ASPM: variants seen among roughly 807,000 people sequenced by gnomAD.
The protein encoded by ASPM is abnormal spindle-like microcephaly-associated protein.
In ASPM, 256 loss-of-function variants were observed where a neutral mutation model predicts 366.4. The ratio of observed to expected loss-of-function variants is 0.70; its 90% CI spans 0.63 to 0.77. ASPM has a LOEUF of 0.77. Among genes scored for constraint, ASPM ranks in the 30% least tolerant of loss-of-function variants. The pLI, the probability that ASPM is intolerant of heterozygous loss-of-function variation, is 0.00. For missense variants in ASPM, 4,146 were observed against 4,090.4 expected (o/e 1.01, Z -0.37); for synonymous variants, 1,414 against 1,342.9 (o/e 1.05, Z -1.16).
chr1:197,123,972 T>C, intron 13 of ASPM, 138 bp downstream of exon 13: 1 of 696,956 alleles, frequency 1.4e-6, no homozygotes, highest in East Asian at 2.7e-5. Context: ...TGATAAAACA[T>C]TCACTCATTT....
rs550890983 is a variant in ASPM, at chr1:197,109,574, C to T, written c.4066-4389G>A. Among the ~76,000 whole-genome samples the T allele has an allele frequency of 3.9e-5, 6 of 152,042 alleles. No individual in the cohort carries two copies. The East Asian group carries it at 9.7e-4, about 25-fold the overall frequency. ...AACAAGGCAAAGATATTGAATCTTA[C>T]CACTCCTATTTAGCATCATACTGGA... On this transcript the variant is annotated intron_variant, in intron 17 of 27. Coordinates refer to ENST00000367409, the MANE Select transcript of ASPM (RefSeq NM_018136.5).
At chr1:197,116,074 TTTA>T (rs1657729152) in intron 17 of ASPM, among the ~76,000 whole-genome samples, 1 of 152,210 alleles carries the variant, frequency 6.6e-6, no homozygotes, top group Non-Finnish European at 1.5e-5. Context: ...TGTAGCCACT[TTTA>T]TTAATGATCT....
intron 13 of ASPM, 77 bp from the exon 14 acceptor site, chr1:197,122,672 G>T: frequency 7.5e-7 from 1 of 1,337,936 alleles, no homozygotes; most frequent in Non-Finnish European, 1.0e-6. Flanking sequence ...GAATACCTGT[G>T]AATAATAAAG....
chr1:197,093,488 G>C (rs1220288744), intron 20 of ASPM, among the ~76,000 whole-genome samples: 1 of 151,640 alleles, frequency 6.6e-6, no homozygotes, highest in Non-Finnish European at 1.5e-5. Flanking sequence ...TAGATACCTG[G>C]TGCTCTTTCC....
chr1:197,146,588 C>G lies in ASPM; in HGVS notation c.-151G>C. ...TCGGCCCTTTTTCTTTTCCACTAAC[C>G]TACTCCCTAGAAAACAGAAAACAAG... On this transcript the variant is annotated 5_prime_UTR_variant, in exon 1 of 28. Transcript: ENST00000367409. 1.3e-6 allele frequency: 1 copy of G among 767,874 alleles called. No individual in the cohort carries two copies. The highest frequency in any genetic ancestry group is 2.1e-6 in the Non-Finnish European group (1 of 469,554). The allele number at this position is 767,874 out of a possible 1,614,324, so 47.6% of individuals were successfully genotyped here. A position where few individuals can be genotyped will look rare whatever the true frequency, so the allele number is the denominator to read the frequency against.
At chr1:197,122,083 A>G in intron 15 of ASPM, 40 bp from the exon 16 acceptor site, 2 of 1,603,342 alleles carry the variant, frequency 1.2e-6, no homozygotes, top group Non-Finnish European at 1.7e-6. Flanking sequence ...GAATATCAAC[A>G]GAGAATACAG....
intron 4 of ASPM, chr1:197,138,883 TCTC>T (rs1658498569): frequency 3.2e-6 from 3 of 943,516 alleles, no homozygotes; most frequent in Admixed American, 1.7e-5. Flanking sequence ...AGCTTCCTTA[TCTC>T]CTCCTGTTGA....
At chr1:197,090,804 AT>A (rs766410220) in intron 23 of ASPM, 45 bp downstream of exon 23, 1 of 1,546,846 alleles carries the variant, frequency 6.5e-7, no homozygotes, top group Non-Finnish European at 8.9e-7. Flanking sequence ...ATGTAGATGA[AT>A]TGCAAACTAA....
rs150665402 is a variant in ASPM, at chr1:197,139,237, G to C, written c.2026+530C>G. 3.7e-4 allele frequency: 341 copies of C among 910,342 alleles called. 2 individuals carry two copies. In the East Asian group the frequency reaches 6.8e-3, roughly 18 times the overall value. 56.4% of individuals were successfully genotyped at this position (910,342 alleles called of 1,614,324 possible). A position where few individuals can be genotyped will look rare whatever the true frequency, so the allele number is the denominator to read the frequency against. On this transcript the variant is annotated intron_variant, in intron 4 of 27. Transcript: ENST00000367409. ...TGGAAAACTCCCCAAGGCTAGTGACGGCCTCTGACCATCCTTTTACCAACT... is the reference window on the plus strand; with the variant it reads ...TGGAAAACTCCCCAAGGCTAGTGACCGCCTCTGACCATCCTTTTACCAACT...
At chr1:197,107,358 G>C (rs193077916) in intron 17 of ASPM, among the ~76,000 whole-genome samples, 2 of 152,056 alleles carry the variant, frequency 1.3e-5, no homozygotes, top group Non-Finnish European at 2.9e-5. Context: ...CTTTCAAAAA[G>C]GAACTGTCAC....
Position 197,102,895 on chromosome 1 carries a change from G to C in ASPM, c.6356C>G (p.Ala2119Gly). Residue 2119 changes from alanine to glycine, a missense_variant, in exon 18 of 28, where the codon GCA becomes GGA. By Grantham distance (60) the Ala-to-Gly change is moderately conservative. Coordinates refer to ENST00000367409, the MANE Select transcript of ASPM (RefSeq NM_018136.5). ...VRRHIQHMHR[A>G]ATFIKAMFKM... The stretch of plus-strand genomic sequence containing the variant: ...AAACATGGCTTTAATAAAAGTGGCT[G>C]CCCTGTGCATGTGTTGAATATGTCT... 1 of 1,612,616 alleles carries C rather than the reference G, an allele frequency of 6.2e-7. No homozygotes were observed. Among genetic ancestry groups the C allele is most frequent in the Non-Finnish European group, 8.5e-7 (1 of 1,179,254 alleles).
At position 197,096,031 on chromosome 1, in the gene ASPM, T is replaced by C; in HGVS notation, c.8954A>G (p.Gln2985Arg). ...LAILKAVKII[Q>R]GCFYTKLERT... ...CTCTAGTTTGGTATAGAAGCAACCT[T>C]GAATAATTTTAACAGCTTTTAATAT... Residue 2985 changes from glutamine (Q) to arginine (R), a missense_variant, in exon 19 of 28, where the codon CAA becomes CGA. Around this residue, in one of 3 missense-constraint regions of ASPM, gnomAD observed 3,624 missense variants for 3,591.7 expected, o/e 1.01. Transcript: ENST00000367409. 6.2e-7 allele frequency: 1 copy of C among 1,609,368 alleles called. No individual in the cohort carries two copies. Among genetic ancestry groups the C allele is most frequent in the Non-Finnish European group, 8.5e-7 (1 of 1,176,562 alleles).
At chr1:197,089,807 ACT>A (rs1366675906) in intron 25 of ASPM, 121 bp downstream of exon 25, 3 of 912,402 alleles carry the variant, frequency 3.3e-6, no homozygotes, top group Non-Finnish European at 5.2e-6. Flanking sequence ...TCATCCTAAG[ACT>A]CTTGCACATA....
rs778684010 is a variant in ASPM, at chr1:197,142,335, TTTC to T, written c.1914_1916del (p.Lys639del). The stretch of plus-strand genomic sequence containing the variant: ...GATTTTATAAACAAGACTCACCAGT[TTTC>T]TTCTTCAGGTTTAATTTCTCTCTGT... On this transcript the variant is annotated inframe_deletion, in exon 3 of 28. Coordinates refer to ENST00000367409, the MANE Select transcript of ASPM (RefSeq NM_018136.5). The T allele has an allele frequency of 1.9e-5, 31 of 1,613,380 alleles. No individual in the cohort carries two copies. Among genetic ancestry groups the T allele is most frequent in the Admixed American group, 1.7e-5 (1 of 59,994 alleles).
Position 197,090,781 on chromosome 1 carries a change from AG to A in ASPM, c.9636+68del, listed in dbSNP as rs201186097. 1.6e-3 allele frequency: 2,166 copies of A among 1,396,086 alleles called. 23 individuals carry two copies. The African/African-American group carries it at 0.026, about 17-fold the overall frequency. The allele number at this position is 1,396,086 out of a possible 1,614,324, so 86.5% of individuals were successfully genotyped here. A position where few individuals can be genotyped will look rare whatever the true frequency, so the allele number is the denominator to read the frequency against. On this transcript the variant is annotated intron_variant, in intron 23 of 27. Coordinates refer to ENST00000367409, the MANE Select transcript of ASPM (RefSeq NM_018136.5). ...TTTAAAATGGTAACTATGTTTTTATAGTGTTAGATATCATGTAGATGAATTG... is the reference window on the plus strand; with the variant it reads ...TTTAAAATGGTAACTATGTTTTTATATGTTAGATATCATGTAGATGAATTG...
At chr1:197,122,668 C>G in intron 13 of ASPM, 73 bp from the exon 14 acceptor site, 1 of 1,369,838 alleles carries the variant, frequency 7.3e-7, no homozygotes, top group East Asian at 2.5e-5. Context: ...TGCAGAATAC[C>G]TGTGAATAAT....
rs148245202 is a variant in ASPM, at chr1:197,100,693, C to T, written c.8558G>A (p.Arg2853Gln). ...TCTTTTCTGCTGAACAAATCTTCTC[C>T]GATACACAGCCATCTGAAGGAAGAA... ...IQFFLQMAVY[R>Q]RRFVQQKRAA... Residue 2853 changes from arginine (R) to glutamine (Q), a missense_variant, in exon 18 of 28, where the codon CGG becomes CAG. By Grantham distance (43) the Arg-to-Gln change is conservative. Coordinates refer to ENST00000367409, the MANE Select transcript of ASPM (RefSeq NM_018136.5). 1.8e-4 allele frequency: 287 copies of T among 1,612,300 alleles called. No homozygotes were observed. The highest frequency in any genetic ancestry group is 2.7e-4 in the African/African-American group (20 of 74,904).
chr1:197,099,665 C>T (rs1025851633), intron 18 of ASPM, among the ~76,000 whole-genome samples: 1 of 151,632 alleles, frequency 6.6e-6, no homozygotes, highest in African/African-American at 2.4e-5. Context: ...CTATTTATAA[C>T]ACCCACTACA....
chr1:197,135,263 CTGCATAACAAAATT>C, intron 4 of ASPM, 21 bp from the exon 5 acceptor site: 1 of 1,612,998 alleles, frequency 6.2e-7, no homozygotes, highest in Non-Finnish European at 8.5e-7. Flanking sequence ...AATTAGGTTA[CTGCATAACAAAATT>C]TCCTTTAACT....
Sources: allele counts gnomAD v4.1 joint callset (sites outside exome capture counted in the v4.1 genomes callset), GRCh38; gene constraint gnomAD v4.1.1; regional missense constraint gnomAD v4.1.1; transcripts MANE v1.5; gene names NCBI Gene and HGNC (gene_info 2026-07-23, HGNC 2026-07-21).